ZNF484: variants seen among roughly 807,000 people sequenced by gnomAD.
The protein encoded by ZNF484 is zinc finger protein 484.
ZNF484 carries 11 observed loss-of-function variants against 12.9 expected under a neutral mutation model. That is an observed-to-expected ratio of 0.85 (90% CI 0.54 to 1.41). The LOEUF (loss-of-function observed/expected upper bound fraction) is 1.41, where lower values mean the gene tolerates loss of function less well. ZNF484 is among the 40% of genes most tolerant of loss of function. ZNF484 has a pLI of 0.00. For synonymous variants in ZNF484, 289 were observed against 334.1 expected (o/e 0.86, Z 1.47); for missense variants, 807 against 1,007.7 (o/e 0.80, Z 2.70).
chr9:92,877,988 T>C lies in ZNF484; in HGVS notation c.-129A>G. On this transcript the variant is annotated 5_prime_UTR_variant, in exon 1 of 5. Transcript: ENST00000375495. The stretch of plus-strand genomic sequence containing the variant: ...ACAGGACCCACTTCCTTTTTCTCAA[T>C]GCCTCCCAGGCCTAGAGGTACTTCT... The C allele has an allele frequency of 2.1e-6, 2 of 931,516 alleles. No homozygotes were observed. Among genetic ancestry groups the C allele is most frequent in the Non-Finnish European group, 1.6e-6 (1 of 622,356 alleles). 57.7% of individuals were successfully genotyped at this position (931,516 alleles called of 1,614,324 possible).
chr9:92,862,269 G>A (rs917368305), intron 2 of ZNF484: 1 of 384,322 alleles, frequency 2.6e-6, no homozygotes, highest in African/African-American at 2.2e-5. Flanking sequence ...TAAGCAAGAT[G>A]TTGAGAACTT....
Position 92,848,069 on chromosome 9 carries a change from G to A in ZNF484, c.718C>T (p.Gln240Ter), listed in dbSNP as rs1855802272. 3 of 1,614,196 alleles carry A rather than the reference G, an allele frequency of 1.9e-6. No individual in the cohort carries two copies. In the East Asian group the frequency reaches 6.7e-5, roughly 36 times the overall value. The change falls in exon 5 of 5, where the codon CAA becomes TAA. Residue 240 changes from glutamine (Q) to a stop codon, truncating the protein, a stop_gained. Coordinates refer to ENST00000375495, the MANE Select transcript of ZNF484 (RefSeq NM_031486.4). LOFTEE classifies it low-confidence loss of function (END_TRUNC). This position sits in a 1 kb window ranked among gnomAD's most constrained non-coding sequence, Gnocchi z 4.1. ...TCTCTAGTATGAATTTTCTGTTGTTGAATGAGAGCTTGCTTATGATGCAGA... is the reference window on the plus strand; with the variant it reads ...TCTCTAGTATGAATTTTCTGTTGTTAAATGAGAGCTTGCTTATGATGCAGA... The part of the protein sequence containing the change: ...KPLHHKQALI[Q>*]QQKIHTRESL...
chr9:92,868,184 C>A (rs1441257285), intron 2 of ZNF484, among the ~76,000 whole-genome samples: 1 of 152,150 alleles, frequency 6.6e-6, no homozygotes, highest in Non-Finnish European at 1.5e-5. Flanking sequence ...TACCCAGCTT[C>A]TTGAGACTCA....
At chr9:92,854,415 C>G in intron 4 of ZNF484, among the ~76,000 whole-genome samples, 1 of 152,148 alleles carries the variant, frequency 6.6e-6, no homozygotes, top group African/African-American at 2.4e-5. Flanking sequence ...CACTCCTCTT[C>G]CTTAAGAAAT....
Position 92,849,800 on chromosome 9 carries a change from CT to C in ZNF484, c.236-1250del, listed in dbSNP as rs770649998. On this transcript the variant is annotated intron_variant, in intron 4 of 4. Coordinates refer to ENST00000375495, the MANE Select transcript of ZNF484 (RefSeq NM_031486.4). ...AGTGAGACTCTGTCTCTCTCTCTCT[CT>C]TTTTTTTTTTTCTTTTTTAAGACAG... Among the ~76,000 whole-genome samples the C allele has an allele frequency of 5.5e-3, 793 of 144,560 alleles. 5 individuals carry two copies. Among genetic ancestry groups the C allele is most frequent in the Non-Finnish European group, 4.3e-3 (281 of 65,404 alleles). 94.8% of individuals were successfully genotyped at this position (144,560 alleles called of 152,430 possible).
intron 2 of ZNF484, among the ~76,000 whole-genome samples, chr9:92,857,314 G>A (rs557700089): frequency 9.2e-5 from 14 of 152,216 alleles, no homozygotes; most frequent in Non-Finnish European, 1.8e-4. Flanking sequence ...TCTGGCTGTG[G>A]ACAAAAGCTG....
At chr9:92,854,977 G>A (rs965654) in intron 4 of ZNF484, among the ~76,000 whole-genome samples, 2 of 151,890 alleles carry the variant, frequency 1.3e-5, no homozygotes, top group Admixed American at 6.6e-5. Flanking sequence ...AAATATCCCA[G>A]AAATTCAAGG....
At position 92,848,206 on chromosome 9, in the gene ZNF484, CT is replaced by C; in HGVS notation, c.580del (p.Arg194GlufsTer21). On this transcript the variant is annotated frameshift_variant, in exon 5 of 5. Coordinates refer to ENST00000375495, the MANE Select transcript of ZNF484 (RefSeq NM_031486.4). LOFTEE classifies it low-confidence loss of function (END_TRUNC). This position sits in a 1 kb window ranked among gnomAD's most constrained non-coding sequence, Gnocchi z 4.1. ...NLEPIITLYN[R>X]NNATENSDKT... is the part of the protein sequence containing the mutation. ...ATCAGAATTTTCTGTTGCATTGTTT[CT>C]ATTATATAAGGTTATGATAGGCTCC... 1 of 1,614,066 alleles carries C rather than the reference CT, an allele frequency of 6.2e-7. No homozygotes were observed.
intron 2 of ZNF484, among the ~76,000 whole-genome samples, chr9:92,868,961 A>G (rs1454778551): frequency 6.6e-6 from 1 of 152,098 alleles, no homozygotes; most frequent in Non-Finnish European, 1.5e-5. Context: ...CCTGGCCTCA[A>G]GTGATCCTCC....
chr9:92,847,981 T>C lies in ZNF484; in HGVS notation c.806A>G (p.His269Arg), dbSNP rs148692348. ...CTTTTCTTCAGCACAAATACTCTCA[T>C]GTGCAAAGGCATGTGACTTCGGGGA... ...VFSPKSHAFA[H>R]ESICAEEKQH... The change falls in exon 5 of 5, where the codon CAT becomes CGT. Residue 269 changes from histidine (H) to arginine (R), a missense_variant. Coordinates refer to ENST00000375495, the MANE Select transcript of ZNF484 (RefSeq NM_031486.4). 1.1e-5 allele frequency: 17 copies of C among 1,614,224 alleles called. No individual in the cohort carries two copies. The African/African-American group carries it at 1.5e-4, about 14-fold the overall frequency.
chr9:92,847,873 C>G lies in ZNF484; in HGVS notation c.914G>C (p.Cys305Ser), dbSNP rs765261896. 1 of 1,614,072 alleles carries G rather than the reference C, an allele frequency of 6.2e-7. No individual in the cohort carries two copies. The highest frequency in any genetic ancestry group is 1.3e-5 in the African/African-American group (1 of 74,924). ...GGAAAAATCCTTCTCATATTCAGTG[C>G]ATATTCCTGCATAAACCCTCTGACT... ...DGSQRVYAGI[C>S]TEYEKDFSLK... The change falls in exon 5 of 5, where the codon TGC (cysteine) becomes TCC (serine). Residue 305 changes from cysteine to serine, a missense_variant. Coordinates refer to ENST00000375495, the MANE Select transcript of ZNF484 (RefSeq NM_031486.4).
chr9:92,857,148 G>A (rs1856514857), intron 2 of ZNF484, among the ~76,000 whole-genome samples: 1 of 152,234 alleles, frequency 6.6e-6, no homozygotes, highest in African/African-American at 2.4e-5. Flanking sequence ...ACAATGAACT[G>A]TAAATGCCAG....
chr9:92,846,879 A>C lies in ZNF484; in HGVS notation c.1908T>G (p.Tyr636Ter), dbSNP rs553544096. The change falls in exon 5 of 5, where the codon TAT becomes TAG. Residue 636 changes from tyrosine (Y) to a stop codon, truncating the protein, a stop_gained. Transcript: ENST00000375495. LOFTEE classifies it low-confidence loss of function (END_TRUNC). ...AAGCCTTTCCACATTCAGCACACCT[A>C]TAGGGTTTCTCTCCTGTGTGAATCT... ...HQQIHTGEKP[Y>*]RCAECGKAFT... 1.9e-6 allele frequency: 3 copies of C among 1,613,984 alleles called. No homozygotes were observed. Among genetic ancestry groups the C allele is most frequent in the Non-Finnish European group, 2.5e-6 (3 of 1,179,998 alleles).
rs200959351 is a variant in ZNF484, at chr9:92,846,662, T to A, written c.2125A>T (p.Met709Leu). 6.2e-7 allele frequency: 1 copy of A among 1,614,000 alleles called. No individual in the cohort carries two copies. Among genetic ancestry groups the A allele is most frequent in the Admixed American group, 1.7e-5 (1 of 60,020 alleles). ...KAFARKSTLI[M>L]HQRIHTGEKP... Reference sequence around the variant, plus strand: ...TCTCCTGTATGAATTCTCTGATGCATAATTAGTGTTGATTTTCTTGCAAAG... The same window carrying A: ...TCTCCTGTATGAATTCTCTGATGCAAAATTAGTGTTGATTTTCTTGCAAAG... The change falls in exon 5 of 5, where the codon ATG (methionine) becomes TTG (leucine). Residue 709 changes from methionine (M) to leucine (L), a missense_variant. Coordinates refer to ENST00000375495, the MANE Select transcript of ZNF484 (RefSeq NM_031486.4).
At position 92,848,955 on chromosome 9, in the gene ZNF484, A is replaced by G. The variant is rs1855885765; in HGVS notation, c.236-404T>C. ...TAAATAAATAAATAAATAAATAAAT[A>G]AAAATACAATAGACCTTTGATTCAG... On this transcript the variant is annotated intron_variant, in intron 4 of 4. Transcript: ENST00000375495. This position sits in a 1 kb window ranked among gnomAD's most constrained non-coding sequence, Gnocchi z 4.1. Among the ~76,000 whole-genome samples, 1 of 151,020 alleles carries G rather than the reference A, an allele frequency of 6.6e-6. No individual in the cohort carries two copies. The highest frequency in any genetic ancestry group is 1.5e-5 in the Non-Finnish European group (1 of 67,820).
chr9:92,853,169 T>C (rs1017946403), intron 4 of ZNF484, among the ~76,000 whole-genome samples: 3 of 152,186 alleles, frequency 2.0e-5, no homozygotes, highest in African/African-American at 7.2e-5. Context: ...GATTATCACA[T>C]ACAAATAGGA....
chr9:92,854,505 CAGG>C (rs1382990887), intron 4 of ZNF484, among the ~76,000 whole-genome samples: 3 of 152,168 alleles, frequency 2.0e-5, no homozygotes, highest in African/African-American at 7.2e-5. Flanking sequence ...ATCACGAGGT[CAGG>C]AGATCGAGAC....
chr9:92,850,419 A>G (rs1403509954), intron 4 of ZNF484, among the ~76,000 whole-genome samples: 1 of 152,212 alleles, frequency 6.6e-6, no homozygotes, highest in East Asian at 1.9e-4. Flanking sequence ...CCTATGATCC[A>G]CTGTGCCCTA....
intron 4 of ZNF484, among the ~76,000 whole-genome samples, chr9:92,853,178 G>A (rs1366639330): frequency 3.9e-5 from 6 of 152,212 alleles, no homozygotes; most frequent in Non-Finnish European, 7.3e-5. Context: ...ATACAAATAG[G>A]ATTAGAATAA....
Sources: gnomAD v4.1 joint callset for allele counts (sites outside exome capture counted in the v4.1 genomes callset) on GRCh38, gnomAD v4.1.1 for gene constraint, Gnocchi (gnomAD v3.1) non-coding constraint, MANE v1.5 for transcripts, NCBI Gene and HGNC (gene_info 2026-07-23, HGNC 2026-07-21) for gene names.